RHOT1: variants seen among roughly 807,000 people sequenced by gnomAD.
RHOT1 encodes ras homolog family member T1, also known as mitochondrial Rho GTPase 1.
Under a neutral mutation model 95.3 loss-of-function variants are expected in RHOT1, and 27 were observed. The ratio of observed to expected loss-of-function variants is 0.28; its 90% CI spans 0.21 to 0.39. The LOEUF (loss-of-function observed/expected upper bound fraction) is 0.39. Ranked by LOEUF, RHOT1 falls within the 10% of genes least tolerant of loss-of-function variation. The pLI is 1.00. For synonymous variants in RHOT1, 227 were observed against 263.5 expected, an observed-to-expected ratio of 0.86 and a Z score of 1.34; for missense variants, 578 against 786.7, an observed-to-expected ratio of 0.73 and a Z score of 3.17.
chr17:32,192,712 C>G (rs2036586017), intron 9 of RHOT1, among the ~76,000 whole-genome samples: 1 of 149,062 alleles, frequency 6.7e-6, no homozygotes, highest in African/African-American at 2.5e-5. Flanking sequence ...CGCTCTGTCA[C>G]CCAGGCTGTA....
chr17:32,156,373 C>T (rs2032965662), intron 1 of RHOT1, among the ~76,000 whole-genome samples: 1 of 152,036 alleles, frequency 6.6e-6, no homozygotes, highest in South Asian at 2.1e-4. Context: ...CTCAGATGAT[C>T]CTCCCACCTC....
intron 1 of RHOT1, chr17:32,150,677 A>G (rs1311090702): frequency 6.3e-7 from 1 of 1,598,706 alleles, no homozygotes; most frequent in East Asian, 2.2e-5. Flanking sequence ...GGAAGATTAT[A>G]CAGTTCTATG....
At chr17:32,171,877 A>G (rs1436012634) in intron 2 of RHOT1, among the ~76,000 whole-genome samples, 1 of 152,246 alleles carries the variant, frequency 6.6e-6, no homozygotes, top group African/African-American at 2.4e-5. Context: ...AAATGAGATG[A>G]ACTTAATAGC....
At chr17:32,143,522 G>C (rs1021791595) in intron 1 of RHOT1, among the ~76,000 whole-genome samples, 4 of 152,162 alleles carry the variant, frequency 2.6e-5, no homozygotes, top group Admixed American at 2.0e-4. Context: ...TTATTCCATA[G>C]TTACTTCGTA....
In RHOT1 at chr17:32,173,306, T is replaced by C. The variant is rs545668299; in HGVS notation, c.97-525T>C. The stretch of plus-strand genomic sequence containing the variant: ...CAGATTTGTTCAGATTTTGGAATGT[T>C]TGCATTATACTTACCAGTTGAGCAT... On this transcript the variant is annotated intron_variant, in intron 2 of 19. Coordinates refer to ENST00000545287, the MANE Select transcript of RHOT1 (RefSeq NM_001033566.3). Among the ~76,000 whole-genome samples the C allele has an allele frequency of 1.2e-4, 18 of 152,320 alleles. No individual in the cohort carries two copies. The South Asian group carries it at 3.5e-3, about 30-fold the overall frequency.
chr17:32,177,803 C>T (rs2035136110), intron 6 of RHOT1, among the ~76,000 whole-genome samples: 5 of 150,370 alleles, frequency 3.3e-5, no homozygotes, highest in Admixed American at 3.3e-4. Flanking sequence ...GCTGCAGCCC[C>T]CAGTGACATC....
At chr17:32,208,544 T>C in intron 18 of RHOT1, 1 of 493,278 alleles carries the variant, frequency 2.0e-6, no homozygotes, top group Non-Finnish European at 3.7e-6. Context: ...GTAACTATCT[T>C]AATAGAATAG....
At chr17:32,189,882 A>C (rs2036355224) in intron 8 of RHOT1, among the ~76,000 whole-genome samples, 1 of 151,358 alleles carries the variant, frequency 6.6e-6, no homozygotes. Context: ...ACAGGGATGC[A>C]CCACCATGCC....
At chr17:32,200,614 T>TA (rs530239849) in intron 13 of RHOT1, among the ~76,000 whole-genome samples, 19 of 149,506 alleles carry the variant, frequency 1.3e-4, no homozygotes, top group South Asian at 6.4e-4. Context: ...TTTTTTAAAT[T>TA]AAAAAAAAAA....
chr17:32,146,321 A>G lies in RHOT1; in HGVS notation c.37+3592A>G, dbSNP rs1301828188. On this transcript the variant is annotated intron_variant, in intron 1 of 19. Coordinates refer to ENST00000545287, the MANE Select transcript of RHOT1 (RefSeq NM_001033566.3). ...CAGACCTGGCACAAAAGAGGCACTC[A>G]GGTATTTCTTAAAAGAATGAATGAG... is the stretch of plus-strand genomic sequence containing the variant. 5.9e-5 allele frequency among the ~76,000 whole-genome samples: 9 copies of G among 152,286 alleles called. No individual in the cohort carries two copies. In the East Asian group the frequency reaches 1.5e-3, roughly 26 times the overall value.
At chr17:32,144,780 A>G (rs1035611598) in intron 1 of RHOT1, among the ~76,000 whole-genome samples, 9 of 149,404 alleles carry the variant, frequency 6.0e-5, no homozygotes, top group African/African-American at 2.2e-4. Flanking sequence ...TGAACGCAGG[A>G]GTTTGAGACC....
At chr17:32,197,213 C>T (rs1021719276) in intron 11 of RHOT1, among the ~76,000 whole-genome samples, 4 of 151,806 alleles carry the variant, frequency 2.6e-5, no homozygotes, top group Non-Finnish European at 4.4e-5. Flanking sequence ...TTTTGTCTCC[C>T]TAGTACCTAG....
At chr17:32,152,002 T>A (rs181587191) in intron 1 of RHOT1, among the ~76,000 whole-genome samples, 1 of 152,352 alleles carries the variant, frequency 6.6e-6, no homozygotes, top group African/African-American at 2.4e-5. Flanking sequence ...TGGTATTTTT[T>A]ATAATGTAGT....
In RHOT1 at chr17:32,168,707, C is replaced by A. The variant is rs147412923; in HGVS notation, c.38-2336C>A. Among the ~76,000 whole-genome samples the A allele has an allele frequency of 8.9e-3, 1,352 of 151,422 alleles. 24 individuals are homozygous for A. Among genetic ancestry groups the A allele is most frequent in the African/African-American group, 0.031 (1,281 of 41,390 alleles). ...GGCTTTAGAGGTCACCATTCCCTTT[C>A]GGTGTTGTTAACTTGTATTAGCAAT... On this transcript the variant is annotated intron_variant, in intron 1 of 19. Coordinates refer to ENST00000545287, the MANE Select transcript of RHOT1 (RefSeq NM_001033566.3).
intron 16 of RHOT1, among the ~76,000 whole-genome samples, chr17:32,204,515 G>T (rs1345818053): frequency 6.9e-6 from 1 of 145,330 alleles, no homozygotes; most frequent in East Asian, 2.0e-4. Context: ...ATGCCTGCCT[G>T]GGCAACAAGA....
intron 1 of RHOT1, among the ~76,000 whole-genome samples, chr17:32,154,002 G>A (rs934096271): frequency 1.3e-5 from 2 of 151,924 alleles, no homozygotes; most frequent in Non-Finnish European, 2.9e-5. Flanking sequence ...TAAACCAATT[G>A]TAAAGTTGAA....
At chr17:32,149,623 A>ATGTG (rs1304218827) in intron 1 of RHOT1, among the ~76,000 whole-genome samples, 14 of 86,206 alleles carry the variant, frequency 1.6e-4, no homozygotes, top group African/African-American at 6.6e-4. Flanking sequence ...ATATATATAT[A>ATGTG]TATATATATA....
rs2039049712 is a variant in RHOT1 at position 32,224,931 on chromosome 17, C to G, written c.*198C>G. 2 of 382,470 alleles carry G rather than the reference C, an allele frequency of 5.2e-6. No individual in the cohort carries two copies. Among genetic ancestry groups the G allele is most frequent in the East Asian group, 4.1e-5 (1 of 24,190 alleles). 23.7% of individuals were successfully genotyped at this position (382,470 alleles called of 1,614,324 possible). The stretch of plus-strand genomic sequence containing the variant: ...CATATGGAAAGAAAACAGCTAACAG[C>G]CAAACTAAAATGGCTAAATTCCAGA... On this transcript the variant is annotated 3_prime_UTR_variant, in exon 20 of 20. Transcript: ENST00000545287.
chr17:32,166,714 C>G (rs1055594538), intron 1 of RHOT1, among the ~76,000 whole-genome samples: 4 of 152,198 alleles, frequency 2.6e-5, no homozygotes, highest in Admixed American at 6.5e-5. Flanking sequence ...TTCATCTGTT[C>G]AAGTTTTATT....
Sources: allele counts gnomAD v4.1 joint callset (sites outside exome capture counted in the v4.1 genomes callset), GRCh38; gene constraint gnomAD v4.1.1; transcripts MANE v1.5; gene names NCBI Gene and HGNC (gene_info 2026-07-23, HGNC 2026-07-21).